Variants in EHBP1 observed in about 807,000 individuals in gnomAD.
EHBP1 encodes the protein EH domain binding protein 1, also known as EH domain-binding protein 1.
A neutral mutation model predicts 144.0 loss-of-function variants in EHBP1; 55 were observed. The ratio of observed to expected loss-of-function variants is 0.38; its 90% CI spans 0.31 to 0.48. The LOEUF (loss-of-function observed/expected upper bound fraction) is 0.48. EHBP1 is among the 20% of genes least tolerant of loss of function. EHBP1 has a pLI of 0.98. For synonymous variants in EHBP1, 469 were observed against 472.7 expected, an observed-to-expected ratio of 0.99 and a Z score of 0.10; for missense variants, 1,200 against 1,364.2, an observed-to-expected ratio of 0.88 and a Z score of 1.90.
intron 19 of EHBP1, among the ~76,000 whole-genome samples, chr2:63,021,101 A>G (rs148890663): frequency 0.02 from 2,993 of 147,744 alleles, 70 homozygotes; most frequent in African/African-American, 0.061. Context: ...GATCACAGGC[A>G]TGCACCACCA....
chr2:62,783,077 G>T (rs2042555812), intron 5 of EHBP1, among the ~76,000 whole-genome samples: 2 of 152,206 alleles, frequency 1.3e-5, no homozygotes, highest in Admixed American at 1.3e-4. Flanking sequence ...CAGGCCATAT[G>T]CAAGTCCAAA....
chr2:62,904,222 C>A (rs1021130696), intron 10 of EHBP1, among the ~76,000 whole-genome samples: 3 of 152,218 alleles, frequency 2.0e-5, no homozygotes, highest in African/African-American at 7.2e-5. Context: ...TTTGGTAGAA[C>A]TGAGACAAAG....
chr2:62,928,758 A>AT, intron 10 of EHBP1, among the ~76,000 whole-genome samples: 1 of 151,892 alleles, frequency 6.6e-6, no homozygotes, highest in Non-Finnish European at 1.5e-5. Flanking sequence ...TAGAAAAACA[A>AT]TTGAGAAAAT....
intron 5 of EHBP1, among the ~76,000 whole-genome samples, chr2:62,784,564 G>T (rs2152426973): frequency 1.3e-5 from 2 of 152,286 alleles, no homozygotes; most frequent in South Asian, 4.2e-4. Context: ...TCTATCAGGG[G>T]CATGGGAAAG....
intron 3 of EHBP1, among the ~76,000 whole-genome samples, chr2:62,753,126 A>G (rs1167714616): frequency 2.6e-5 from 4 of 152,150 alleles, no homozygotes; most frequent in Non-Finnish European, 5.9e-5. Flanking sequence ...GCATGTTTTT[A>G]CAGTGGCTGG....
chr2:62,773,231 G>T (rs2152374683), intron 5 of EHBP1, among the ~76,000 whole-genome samples: 1 of 149,618 alleles, frequency 6.7e-6, no homozygotes. Flanking sequence ...TCCCTCTTCA[G>T]TTTTCAGGAG....
chr2:62,747,285 G>T, intron 2 of EHBP1, 110 bp from the exon 3 acceptor site: 1 of 835,112 alleles, frequency 1.2e-6, no homozygotes, highest in Non-Finnish European at 1.9e-6. Context: ...TGTAACAGTA[G>T]CTGCTTTATG....
chr2:62,958,229 C>G (rs772870915), intron 14 of EHBP1, among the ~76,000 whole-genome samples: 3 of 152,088 alleles, frequency 2.0e-5, no homozygotes, highest in Non-Finnish European at 4.4e-5. Context: ...ACCAAAAAAA[C>G]TAAAAACACA....
chr2:62,735,083 C>T (rs768190431), intron 2 of EHBP1, among the ~76,000 whole-genome samples: 9 of 152,060 alleles, frequency 5.9e-5, no homozygotes, highest in Non-Finnish European at 1.2e-4. Context: ...TTTGTAGAGA[C>T]GAGGGCTCAC....
chr2:62,783,284 G>A (rs2042569728), intron 5 of EHBP1, among the ~76,000 whole-genome samples: 2 of 152,190 alleles, frequency 1.3e-5, no homozygotes, highest in Non-Finnish European at 2.9e-5. Flanking sequence ...TTTTCCAGGT[G>A]CACAGTGCAA....
chr2:63,007,938 A>G (rs1247093976), intron 19 of EHBP1, among the ~76,000 whole-genome samples: 1 of 151,680 alleles, frequency 6.6e-6, no homozygotes. Flanking sequence ...GAAGACAAAC[A>G]GTTTAATTAG....
chr2:62,858,713 T>C (rs7567923), intron 7 of EHBP1, among the ~76,000 whole-genome samples: 97,140 of 152,020 alleles, frequency 0.64, 31,144 homozygotes, highest in South Asian at 0.7. Context: ...GGATCCTTGA[T>C]AGACAGTGGT....
rs558846927 is a variant in EHBP1 at position 62,682,660 on chromosome 2, C to T, written c.-296+8577C>T. 7.2e-5 allele frequency among the ~76,000 whole-genome samples: 11 copies of T among 152,284 alleles called. No homozygotes were observed. In the South Asian group the frequency reaches 2.3e-3, roughly 32 times the overall value. ...TTAAGAACCTGACAGACAGATGGTACCAGCACAATATTGAGCTCTTAACGA... is the reference window on the plus strand; with the variant it reads ...TTAAGAACCTGACAGACAGATGGTATCAGCACAATATTGAGCTCTTAACGA... On this transcript the variant is annotated intron_variant, in intron 1 of 22. Coordinates refer to the EHBP1 transcript ENST00000405015.
rs893653464 is a variant in EHBP1 at position 62,753,968 on chromosome 2, C to T, written c.162+6516C>T. On this transcript the variant is annotated intron_variant, in intron 3 of 22. Coordinates refer to ENST00000431489, the MANE Select transcript of EHBP1 (RefSeq NM_001142616.3). ...CTCCTTTAGCTTGGAGAAGTTTGAT[C>T]GTCTGAAGCCTTCTTCTCTCAACTT... Among the ~76,000 whole-genome samples the T allele has an allele frequency of 1.5e-4, 23 of 152,234 alleles. No homozygotes were observed. The East Asian group carries it at 1.9e-3, about 13-fold the overall frequency.
At chr2:62,869,152 G>T (rs1415638638) in intron 9 of EHBP1, among the ~76,000 whole-genome samples, 1 of 152,028 alleles carries the variant, frequency 6.6e-6, no homozygotes, top group Non-Finnish European at 1.5e-5. Flanking sequence ...ACTATACCAA[G>T]TATTGTCAAG....
chr2:62,802,233 T>C (rs547065272), intron 5 of EHBP1, among the ~76,000 whole-genome samples: 1 of 152,278 alleles, frequency 6.6e-6, no homozygotes, highest in Admixed American at 6.5e-5. Context: ...TGTGGAACAT[T>C]TTTTTCCCCG....
At chr2:62,820,260 G>GA (rs1427064308) in intron 5 of EHBP1, among the ~76,000 whole-genome samples, 1 of 142,034 alleles carries the variant, frequency 7.0e-6, no homozygotes, top group Non-Finnish European at 1.6e-5. Flanking sequence ...TTGAAGATAA[G>GA]AAACAAATTT....
At chr2:62,757,434 T>C (rs1294258397) in intron 3 of EHBP1, among the ~76,000 whole-genome samples, 1 of 145,200 alleles carries the variant, frequency 6.9e-6, no homozygotes, top group Non-Finnish European at 1.5e-5. Flanking sequence ...TTCTTTTTTT[T>C]TTTTTTTTTT....
chr2:62,842,665 C>T (rs944582173), intron 7 of EHBP1, among the ~76,000 whole-genome samples: 1 of 152,148 alleles, frequency 6.6e-6, no homozygotes. Context: ...AGGCATTTTC[C>T]TATAGACTGA....
Sources: allele counts gnomAD v4.1 joint callset (sites outside exome capture counted in the v4.1 genomes callset), GRCh38; gene constraint gnomAD v4.1.1; transcripts MANE v1.5; gene names NCBI Gene and HGNC (gene_info 2026-07-23, HGNC 2026-07-21).